PACRG: variants seen among roughly 807,000 people sequenced by gnomAD.
PACRG encodes parkin coregulated gene protein.
PACRG carries 29 observed loss-of-function variants against 29.7 expected under a neutral mutation model. The observed-to-expected ratio is 0.98, with a 90% CI of 0.73 to 1.33. The LOEUF (loss-of-function observed/expected upper bound fraction) is 1.33. Ranked by LOEUF, PACRG falls within the 40% of genes most tolerant of loss-of-function variation. The pLI, the probability that PACRG is intolerant of heterozygous loss-of-function variation, is 0.00. For missense variants in PACRG, 279 were observed against 316.2 expected (o/e 0.88, Z 0.89); for synonymous variants, 116 against 118.7 (o/e 0.98, Z 0.15).
intron 2 of PACRG, among the ~76,000 whole-genome samples, chr6:162,833,743 T>C (rs1788979987): frequency 6.6e-6 from 1 of 152,152 alleles, no homozygotes; most frequent in Admixed American, 6.5e-5. Context: ...AAAACCAATA[T>C]GTTAATTAAT....
chr6:163,116,457 T>TG (rs979695272), intron 4 of PACRG, among the ~76,000 whole-genome samples: 5 of 151,858 alleles, frequency 3.3e-5, no homozygotes, highest in African/African-American at 4.8e-5. Context: ...CTGTATCAAA[T>TG]GGGGGGGATG....
chr6:163,059,327 G>A (rs1052879448), intron 2 of PACRG, among the ~76,000 whole-genome samples: 4 of 152,030 alleles, frequency 2.6e-5, no homozygotes, highest in Non-Finnish European at 5.9e-5. Context: ...CAGGTACTCA[G>A]TATTTATTGT....
chr6:163,096,393 G>A (rs1427634326), intron 4 of PACRG, among the ~76,000 whole-genome samples: 1 of 152,210 alleles, frequency 6.6e-6, no homozygotes. Flanking sequence ...ATAAATGTGG[G>A]TCACCTGGTG....
intron 4 of PACRG, among the ~76,000 whole-genome samples, chr6:163,305,848 C>T (rs528786460): frequency 6.6e-6 from 1 of 152,258 alleles, no homozygotes; most frequent in East Asian, 1.9e-4. Flanking sequence ...ACAGTATCTC[C>T]CCATCACTTA....
In PACRG at chr6:163,181,242, CTTGCAAAGGAAGGG is replaced by C. The variant is rs1473534539; in HGVS notation, c.613+91837_613+91850del. On this transcript the variant is annotated intron_variant, in intron 4 of 4. Transcript: ENST00000366888. ...ATTTTACTCCCATACCTCGGGCTAT[CTTGCAAAGGAAGGG>C]TTAAAGAATACGTGATGCAACCTCC... Among the ~76,000 whole-genome samples the C allele has an allele frequency of 3.9e-5, 6 of 152,270 alleles. No individual in the cohort carries two copies. In the East Asian group the frequency reaches 1.2e-3, roughly 29 times the overall value.
At chr6:163,148,030 T>G (rs759923861) in intron 4 of PACRG, among the ~76,000 whole-genome samples, 1 of 152,222 alleles carries the variant, frequency 6.6e-6, no homozygotes. Context: ...ACTGAAAATA[T>G]GAAATTAGGC....
intron 2 of PACRG, among the ~76,000 whole-genome samples, chr6:162,879,766 G>T (rs1051132552): frequency 2.6e-5 from 4 of 152,174 alleles, no homozygotes; most frequent in Non-Finnish European, 2.9e-5. Flanking sequence ...AGATGAGGCT[G>T]ACTGTGGGTG....
chr6:163,274,610 G>A (rs1009539137), intron 4 of PACRG, among the ~76,000 whole-genome samples: 3 of 152,168 alleles, frequency 2.0e-5, no homozygotes, highest in Admixed American at 6.5e-5. Flanking sequence ...TCACCACACT[G>A]TCTTCCACAA....
At chr6:163,158,166 T>C (rs1778398005) in intron 4 of PACRG, among the ~76,000 whole-genome samples, 1 of 152,204 alleles carries the variant, frequency 6.6e-6, no homozygotes, top group Non-Finnish European at 1.5e-5. Flanking sequence ...TCTATGTGTT[T>C]TCTGCTTCTG....
At chr6:163,300,871 C>A (rs1051891561) in intron 4 of PACRG, among the ~76,000 whole-genome samples, 1 of 151,766 alleles carries the variant, frequency 6.6e-6, no homozygotes, top group Non-Finnish European at 1.5e-5. Flanking sequence ...ACGTCCACTG[C>A]TTCCCATGAG....
chr6:162,874,509 T>C (rs1793122411), intron 2 of PACRG, among the ~76,000 whole-genome samples: 1 of 152,106 alleles, frequency 6.6e-6, no homozygotes, highest in South Asian at 2.1e-4. Context: ...GACTGGGAAA[T>C]GCCTAGTCAG....
chr6:162,883,716 A>G (rs867725778), intron 2 of PACRG, among the ~76,000 whole-genome samples: 2,432 of 69,104 alleles, frequency 0.035, 65 homozygotes, highest in African/African-American at 0.11. Flanking sequence ...GTGTGTGTGT[A>G]TGTATGTATA....
At chr6:163,156,553 C>T (rs143886680) in intron 4 of PACRG, among the ~76,000 whole-genome samples, 61 of 152,244 alleles carry the variant, frequency 4.0e-4, no homozygotes, top group African/African-American at 1.4e-3. Flanking sequence ...GGGAGCCGTG[C>T]CCCTCCCACT....
chr6:162,846,104 C>T (rs538385753), intron 2 of PACRG, among the ~76,000 whole-genome samples: 54 of 152,158 alleles, frequency 3.5e-4, no homozygotes, highest in Middle Eastern at 3.2e-3. Context: ...GACGGAAACA[C>T]TGTGGCCTGC....
chr6:162,839,741 T>C (rs971224127), intron 2 of PACRG, among the ~76,000 whole-genome samples: 10 of 152,192 alleles, frequency 6.6e-5, no homozygotes, highest in Admixed American at 2.0e-4. Context: ...AGCATTTAAG[T>C]CTTTAATCCA....
intron 1 of PACRG, among the ~76,000 whole-genome samples, chr6:162,742,229 T>C (rs898768261): frequency 3.9e-5 from 6 of 152,188 alleles, no homozygotes; most frequent in South Asian, 2.1e-4. Context: ...CAGGACATAA[T>C]TGAATCATGG....
chr6:163,196,960 T>TAGATAGATAGATAGATAGAC (rs1554384781), intron 4 of PACRG, among the ~76,000 whole-genome samples: 1 of 149,262 alleles, frequency 6.7e-6, no homozygotes, highest in African/African-American at 2.5e-5. Context: ...GATAGATAGA[T>TAGATAGATAGATAGATAGAC]AGATAGATAG....
At chr6:163,275,820 A>G (rs1784003037) in intron 4 of PACRG, among the ~76,000 whole-genome samples, 1 of 152,212 alleles carries the variant, frequency 6.6e-6, no homozygotes, top group South Asian at 2.1e-4. Flanking sequence ...CTCCTTATTA[A>G]TAATTCAAAG....
chr6:162,922,854 A>G (rs1418315067), intron 2 of PACRG, among the ~76,000 whole-genome samples: 1 of 152,210 alleles, frequency 6.6e-6, no homozygotes, highest in African/African-American at 2.4e-5. Context: ...TACTGTGAAT[A>G]TGCTGCAATA....
Sources: gnomAD v4.1 joint callset for allele counts (sites outside exome capture counted in the v4.1 genomes callset) on GRCh38, gnomAD v4.1.1 for gene constraint, MANE v1.5 for transcripts, NCBI Gene and HGNC (gene_info 2026-07-23, HGNC 2026-07-21) for gene names.